Variants in CELF2 observed in about 807,000 individuals in gnomAD.
CELF2 encodes the protein CUG triplet repeat RNA-binding protein 2.
CELF2 carries 8 observed loss-of-function variants against 62.6 expected under a neutral mutation model. The observed-to-expected ratio is 0.13, with a 90% confidence interval of 0.07 to 0.23. The LOEUF (loss-of-function observed/expected upper bound fraction) is 0.23, where lower values mean the gene tolerates loss of function less well. Ranked by LOEUF, CELF2 falls within the 10% of genes least tolerant of loss-of-function variation. The pLI, the probability that CELF2 is intolerant of heterozygous loss-of-function variation, is 1.00. For missense variants in CELF2, 333 were observed against 671.0 expected (o/e 0.50, Z 5.56); for synonymous variants, 258 against 250.0 (o/e 1.03, Z -0.30).
intron 1 of CELF2, among the ~76,000 whole-genome samples, chr10:11,045,448 A>G (rs1024931892): frequency 6.6e-6 from 1 of 152,138 alleles, no homozygotes; most frequent in Non-Finnish European, 1.5e-5. Flanking sequence ...TTATCTTCCA[A>G]TATTCAGTGT....
chr10:10,757,272 A>G, the CELF2 span, among the ~76,000 whole-genome samples: 1 of 151,850 alleles, frequency 6.6e-6, no homozygotes, highest in Non-Finnish European at 1.5e-5. Context: ...AGCCAGGACA[A>G]CAAAGCAAGA....
the CELF2 span, among the ~76,000 whole-genome samples, chr10:10,686,100 C>A: frequency 2.0e-4 from 30 of 151,950 alleles, 1 homozygote; most frequent in Non-Finnish European, 1.6e-4. Context: ...AGTGTCAACA[C>A]GGTGGTAATA....
At chr10:10,699,438 A>T in the CELF2 span, among the ~76,000 whole-genome samples, 3 of 152,200 alleles carry the variant, frequency 2.0e-5, no homozygotes, top group African/African-American at 7.2e-5. Flanking sequence ...CCTTGTAGAG[A>T]TGGATACTTA....
rs1165720487 is a variant in CELF2 at position 11,268,481 on chromosome 10, ACT to A, written c.618+1807_618+1808del. 6.6e-6 allele frequency among the ~76,000 whole-genome samples: 1 copy of A among 152,044 alleles called. No homozygotes were observed. Among genetic ancestry groups the A allele is most frequent in the Non-Finnish European group, 1.5e-5 (1 of 68,014 alleles). On this transcript the variant is annotated intron_variant, in intron 6 of 12. Coordinates refer to ENST00000633077, the MANE Select transcript of CELF2 (RefSeq NM_001326342.2). This position sits in a 1 kb window ranked among gnomAD's most constrained non-coding sequence, Gnocchi z 4.7. ...TCCCCTGTGTTCCTGTAGAAGGAGG[ACT>A]CTGGATCATAAAGCAGAACTGGGCA...
At chr10:11,115,383 A>G (rs942485847) in intron 1 of CELF2, among the ~76,000 whole-genome samples, 3 of 152,196 alleles carry the variant, frequency 2.0e-5, no homozygotes, top group African/African-American at 7.2e-5. Context: ...GAAAAGGGGA[A>G]AGGAAGAACA....
the CELF2 span, among the ~76,000 whole-genome samples, chr10:10,710,310 A>T: frequency 2.0e-5 from 3 of 152,254 alleles, no homozygotes; most frequent in Non-Finnish European, 4.4e-5. Context: ...GTCGTCATAA[A>T]GCAGGGTAAA....
At chr10:10,817,253 T>G (rs767972766) in intron 1 of CELF2, among the ~76,000 whole-genome samples, 4 of 152,188 alleles carry the variant, frequency 2.6e-5, no homozygotes, top group African/African-American at 4.8e-5. Flanking sequence ...GTACATGAGA[T>G]GTTTTGATAC....
At chr10:10,765,822 G>T in the CELF2 span, among the ~76,000 whole-genome samples, 6 of 152,296 alleles carry the variant, frequency 3.9e-5, no homozygotes, top group Admixed American at 2.0e-4. Context: ...TTGGGCTGCA[G>T]TTGGTGCAAT....
intron 1 of CELF2, among the ~76,000 whole-genome samples, chr10:11,144,426 C>T (rs1038982612): frequency 5.9e-5 from 9 of 152,090 alleles, no homozygotes; most frequent in African/African-American, 1.4e-4. Context: ...TATGCTTCTA[C>T]GCAACAGACT....
intron 5 of CELF2, among the ~76,000 whole-genome samples, chr10:11,262,400 A>G (rs775960912): frequency 1.3e-5 from 2 of 152,244 alleles, no homozygotes; most frequent in African/African-American, 2.4e-5. Flanking sequence ...GCATGTACAC[A>G]GAAATGAATC....
At position 10,971,569 on chromosome 10, in the gene CELF2, G is replaced by T. The variant is rs1592580343; in HGVS notation, c.89+51570G>T. ...CATCCACATGCATGGTTTTGTTGTT[G>T]TTGTTGTTTGTTTGTTTTTGTTGTT... On this transcript the variant is annotated intron_variant, in intron 2 of 13. Coordinates refer to the CELF2 transcript ENST00000636488. 2.0e-5 allele frequency among the ~76,000 whole-genome samples: 3 copies of T among 151,988 alleles called. No homozygotes were observed. In the South Asian group the frequency reaches 6.2e-4, roughly 32 times the overall value.
At chr10:11,312,598 T>A (rs982268088) in intron 9 of CELF2, among the ~76,000 whole-genome samples, 3 of 152,208 alleles carry the variant, frequency 2.0e-5, no homozygotes, top group African/African-American at 7.2e-5. Context: ...AGAGTAGGAA[T>A]ACTATGCATG....
At chr10:10,727,338 C>T in the CELF2 span, among the ~76,000 whole-genome samples, 1 of 152,200 alleles carries the variant, frequency 6.6e-6, no homozygotes, top group African/African-American at 2.4e-5. Flanking sequence ...TCCTAACTTT[C>T]TTAGACATTT....
At chr10:10,810,885 A>C (rs2055804411) in intron 1 of CELF2, among the ~76,000 whole-genome samples, 1 of 152,230 alleles carries the variant, frequency 6.6e-6, no homozygotes, top group African/African-American at 2.4e-5. Context: ...AGGAAGAAAA[A>C]TAATTTCCAA....
the CELF2 span, among the ~76,000 whole-genome samples, chr10:10,770,992 T>G: frequency 6.6e-6 from 1 of 152,356 alleles, no homozygotes; most frequent in African/African-American, 2.4e-5. Flanking sequence ...TGGGCGTTCA[T>G]ATTTTTGCAA....
chr10:11,323,424 AAATAATAATAATAAT>A lies in CELF2; in HGVS notation c.1294+2063_1294+2077del, dbSNP rs57666869. Among the ~76,000 whole-genome samples, 61 of 141,644 alleles carry A rather than the reference AAATAATAATAATAAT, an allele frequency of 4.3e-4. 1 individual carries two copies. Among genetic ancestry groups the A allele is most frequent in the Middle Eastern group, 3.6e-3 (1 of 274 alleles). 92.9% of individuals were successfully genotyped at this position (141,644 alleles called of 152,430 possible). The stretch of plus-strand genomic sequence containing the variant: ...AAGCAAATGATGCCAGGCAGAGCAA[AAATAATAATAATAAT>A]AATAATAATAATAATAATAATAATG... On this transcript the variant is annotated intron_variant, in intron 11 of 12. Transcript: ENST00000633077.
the CELF2 span, among the ~76,000 whole-genome samples, chr10:10,764,595 T>G: frequency 2.5e-3 from 380 of 152,320 alleles, 2 homozygotes; most frequent in African/African-American, 8.6e-3. Flanking sequence ...CCAAGGCACG[T>G]GTTAATGTCA....
chr10:10,963,147 TCTCCTGCCTCAGC>T (rs1322975717), intron 2 of CELF2, among the ~76,000 whole-genome samples: 4 of 152,012 alleles, frequency 2.6e-5, no homozygotes, highest in African/African-American at 9.7e-5. Context: ...TTCAAGCAAC[TCTCCTGCCTCAGC>T]CTCCTGCCTC....
intron 1 of CELF2, among the ~76,000 whole-genome samples, chr10:10,835,031 T>A (rs995883982): frequency 2.6e-5 from 4 of 152,198 alleles, no homozygotes; most frequent in African/African-American, 9.7e-5. Flanking sequence ...ACCTCCCATT[T>A]TTCTTACATA....
Sources: gnomAD v4.1 joint callset for allele counts (sites outside exome capture counted in the v4.1 genomes callset) on GRCh38, gnomAD v4.1.1 for gene constraint, Gnocchi (gnomAD v3.1) non-coding constraint, MANE v1.5 for transcripts, NCBI Gene and HGNC (gene_info 2026-07-23, HGNC 2026-07-21) for gene names.